Variants in FABP3 observed in about 807,000 individuals in gnomAD.
The protein encoded by FABP3 is fatty acid binding protein 3, also known as fatty acid-binding protein, heart.
Under a neutral mutation model 13.4 loss-of-function variants are expected in FABP3, and 8 were observed. The ratio of observed to expected loss-of-function variants is 0.60; its 90% confidence interval spans 0.35 to 1.07. The LOEUF is 1.07. Among genes scored for constraint, FABP3 ranks in the 50% least tolerant of loss-of-function variants. The pLI is 0.02. For missense variants in FABP3, 135 were observed against 164.7 expected (o/e 0.82, Z 0.99); for synonymous variants, 64 against 60.0 (o/e 1.07, Z -0.31).
At chr1:31,364,255 T>C, downstream of FABP3, 1 of 1,545,234 alleles carries the variant, frequency 6.5e-7, no homozygotes, top group Non-Finnish European at 8.7e-7. Context: ...GCCTTGAGAC[T>C]CCTGGAAAGA....
Position 31,365,956 on chromosome 1 carries a change from A to C in FABP3, c.349-17T>G. The stretch of plus-strand genomic sequence containing the variant: ...GGTGAGTGTCTGGAAGGAAAGACAG[A>C]GTGAGATGGGGGGTGGAGCCAGGAA... On this transcript the variant is annotated splice_polypyrimidine_tract_variant and intron_variant, in intron 3 of 3. Coordinates refer to ENST00000373713, the MANE Select transcript of FABP3 (RefSeq NM_004102.5). The C allele has an allele frequency of 6.2e-7, 1 of 1,613,276 alleles. No homozygotes were observed. The highest frequency in any genetic ancestry group is 8.5e-7 in the Non-Finnish European group (1 of 1,179,446).
rs3049341 is a variant in FABP3, at chr1:31,366,062, A to ATGTGTG, written c.349-129_349-124dup. The ATGTGTG allele has an allele frequency of 9.3e-4, 536 of 575,908 alleles. 1 individual carries two copies. Among genetic ancestry groups the ATGTGTG allele is most frequent in the African/African-American group, 5.8e-3 (296 of 50,928 alleles). The allele number at this position is 575,908 out of a possible 1,614,324, so 35.7% of individuals were successfully genotyped here. A position where few individuals can be genotyped will look rare whatever the true frequency, so the allele number is the denominator to read the frequency against. ...TACTATGTGCCGGCTATATGTATGT[A>ATGTGTG]TGTGTGTGTGTGTGTGTGTGTGTGT... On this transcript the variant is annotated intron_variant, in intron 3 of 3. Coordinates refer to ENST00000373713, the MANE Select transcript of FABP3 (RefSeq NM_004102.5).
chr1:31,368,079 T>C (rs867198479), intron 2 of FABP3, among the ~76,000 whole-genome samples: 14 of 152,222 alleles, frequency 9.2e-5, no homozygotes, highest in African/African-American at 3.4e-4. Flanking sequence ...GTCCTGTGAC[T>C]GGATGCCCTT....
At position 31,366,026 on chromosome 1, in the gene FABP3, A is replaced by G. The variant is rs1212015511; in HGVS notation, c.349-87T>C. ...CCCTCCCTTCCTCCTGATAATTGTC[A>G]CTTGAGTACCTACTATGTGCCGGCT... On this transcript the variant is annotated intron_variant, in intron 3 of 3. Coordinates refer to ENST00000373713, the MANE Select transcript of FABP3 (RefSeq NM_004102.5). 7 of 1,131,348 alleles carry G rather than the reference A, an allele frequency of 6.2e-6. 1 individual carries two copies. The African/African-American group carries it at 6.2e-5, about 10-fold the overall frequency. 70.1% of individuals were successfully genotyped at this position (1,131,348 alleles called of 1,614,324 possible). A position where few individuals can be genotyped will look rare whatever the true frequency, so the allele number is the denominator to read the frequency against.
At chr1:31,369,094 G>A (rs891505766) in intron 2 of FABP3, 3 of 356,680 alleles carry the variant, frequency 8.4e-6, no homozygotes, top group Non-Finnish European at 1.5e-5. Flanking sequence ...CCCAGCTGGA[G>A]CTGGAGTAGA....
the FABP3 span, among the ~76,000 whole-genome samples, chr1:31,360,235 T>C: frequency 6.6e-6 from 1 of 151,126 alleles, no homozygotes; most frequent in Non-Finnish European, 1.5e-5. Context: ...AGTGGCGCGA[T>C]CTTGGCTCAC....
downstream of FABP3, among the ~76,000 whole-genome samples, chr1:31,363,024 TTATATCATGTGCATA>T (rs1184032461): frequency 1.3e-5 from 2 of 152,192 alleles, no homozygotes; most frequent in African/African-American, 4.8e-5. Flanking sequence ...CATACACAGT[TTATATCATGTGCATA>T]TATATATAAA....
downstream of FABP3, among the ~76,000 whole-genome samples, chr1:31,360,766 A>G (rs1639855198): frequency 6.6e-6 from 1 of 152,166 alleles, no homozygotes; most frequent in African/African-American, 2.4e-5. Context: ...GTTATAAAGT[A>G]TAGTGGTTTT....
the FABP3 span, among the ~76,000 whole-genome samples, chr1:31,359,777 G>T: frequency 6.6e-6 from 1 of 151,930 alleles, no homozygotes; most frequent in South Asian, 2.1e-4. Flanking sequence ...TGCGCCATGG[G>T]CTCACACTCC....
At chr1:31,362,775 T>A (rs928353890), downstream of FABP3, among the ~76,000 whole-genome samples, 4 of 152,364 alleles carry the variant, frequency 2.6e-5, no homozygotes, top group East Asian at 7.7e-4. Flanking sequence ...TGTTTCTAGA[T>A]AGACTGGCTA....
intron 1 of FABP3, among the ~76,000 whole-genome samples, chr1:31,370,984 G>A (rs937944549): frequency 6.6e-6 from 1 of 152,244 alleles, no homozygotes; most frequent in Non-Finnish European, 1.5e-5. Flanking sequence ...TGAAGAGTGC[G>A]AAGTGTCTTG....
chr1:31,367,389 T>C lies in FABP3; in HGVS notation c.348+4A>G. On this transcript the variant is annotated splice_donor_region_variant and intron_variant, in intron 3 of 3. Coordinates refer to ENST00000373713, the MANE Select transcript of FABP3 (RefSeq NM_004102.5). ...AGATATAGCTCCAAAGTTGCCCATC[T>C]TACCAGGATGAGTTTTCCATCAATT... The C allele has an allele frequency of 6.2e-7, 1 of 1,612,838 alleles. No individual in the cohort carries two copies.
chr1:31,372,882 G>T, intron 1 of FABP3, 60 bp downstream of exon 1: 1 of 1,511,964 alleles, frequency 6.6e-7, no homozygotes, highest in South Asian at 1.1e-5. Flanking sequence ...TGCTGCGTGG[G>T]GCTAGGCACG....
chr1:31,364,288 C>G, downstream of FABP3: 1 of 1,466,986 alleles, frequency 6.8e-7, no homozygotes, highest in African/African-American at 1.4e-5. Context: ...AATATAGCCT[C>G]CCACCCCATT....
downstream of FABP3, chr1:31,364,898 A>G (rs1474726941): frequency 1.3e-5 from 2 of 152,242 alleles, no homozygotes; most frequent in Admixed American, 6.5e-5. Flanking sequence ...GTCCTTGCTT[A>G]AATTCCTGTC....
chr1:31,371,743 G>T (rs1297502477), intron 1 of FABP3, among the ~76,000 whole-genome samples: 1 of 152,184 alleles, frequency 6.6e-6, no homozygotes, highest in Non-Finnish European at 1.5e-5. Flanking sequence ...GTTCGTGGGG[G>T]CTGGGGGCTG....
At chr1:31,359,698 A>G in the FABP3 span, among the ~76,000 whole-genome samples, 1 of 152,188 alleles carries the variant, frequency 6.6e-6, no homozygotes, top group Non-Finnish European at 1.5e-5. Flanking sequence ...AACAAGGGAT[A>G]TGTGCTTTTC....
chr1:31,361,511 G>A (rs1297830987), downstream of FABP3, among the ~76,000 whole-genome samples: 2 of 152,196 alleles, frequency 1.3e-5, no homozygotes, highest in Non-Finnish European at 2.9e-5. Context: ...AAGTCACATA[G>A]TGAGTTAAGT....
intron 3 of FABP3, 49 bp downstream of exon 3, chr1:31,367,316 GGCTTTTTAGAACAGGCTTGGCTGAAAGA>G: frequency 8.3e-7 from 1 of 1,209,894 alleles, no homozygotes; most frequent in Non-Finnish European, 1.2e-6. Context: ...GGGAGGACTT[GGCTTTTTAGAACAGGCTTGGCTGAAAGA>G]GCAGTAGTAA....
Sources: gnomAD v4.1 joint callset for allele counts (sites outside exome capture counted in the v4.1 genomes callset) on GRCh38, gnomAD v4.1.1 for gene constraint, MANE v1.5 for transcripts, NCBI Gene and HGNC (gene_info 2026-07-23, HGNC 2026-07-21) for gene names.